The following ARHGEF6 variants were observed in gnomAD, a reference collection of about 807,000 sequenced individuals.
The protein encoded by ARHGEF6 is rho guanine nucleotide exchange factor 6.
ARHGEF6 carries 9 observed loss-of-function variants against 70.3 expected under a neutral mutation model. The ratio of observed to expected loss-of-function variants is 0.13; its 90% confidence interval spans 0.08 to 0.22. ARHGEF6 has a LOEUF of 0.22. Among genes scored for constraint, ARHGEF6 ranks in the 10% least tolerant of loss-of-function variants. ARHGEF6 has a pLI of 1.00. For missense variants in ARHGEF6, 470 were observed against 563.0 expected, an observed-to-expected ratio of 0.83 and a Z score of 1.67; for synonymous variants, 201 against 207.8, an observed-to-expected ratio of 0.97 and a Z score of 0.28.
At chrX:136,742,014 C>T (rs2148658438) in intron 5 of ARHGEF6, among the ~76,000 whole-genome samples, 1 of 111,669 alleles carries the variant, frequency 9.0e-6, no homozygotes, top group African/African-American at 3.3e-5. Flanking sequence ...GCCCTTAATC[C>T]CCATGTTGTT....
intron 21 of ARHGEF6, among the ~76,000 whole-genome samples, 183 bp downstream of exon 21, chrX:136,669,299 C>G (rs1323722169): frequency 9.0e-6 from 1 of 111,619 alleles, no homozygotes; most frequent in Non-Finnish European, 1.9e-5. Context: ...ACAAGCAAGC[C>G]TCGGAAATTT....
chrX:136,667,934 C>T lies in ARHGEF6; in HGVS notation c.*95G>A, dbSNP rs2076177566. ...GAGAGAGAGAGACTCAAACACAAAA[C>T]AAAAGCCAAAGAAGTGAGCAAACTG... On this transcript the variant is annotated 3_prime_UTR_variant, in exon 22 of 22. Coordinates refer to ENST00000250617, the MANE Select transcript of ARHGEF6 (RefSeq NM_004840.3). 9.0e-7 allele frequency: 1 copy of T among 1,106,582 alleles called. No individual in the cohort carries two copies. The highest frequency in any genetic ancestry group is 1.2e-6 in the Non-Finnish European group (1 of 805,028). 91.2% of individuals were successfully genotyped at this position (1,106,582 alleles called of 1,213,427 possible). A position where few individuals can be genotyped will look rare whatever the true frequency, so the allele number is the denominator to read the frequency against.
At chrX:136,686,592 G>GTATA (rs1426495423) in intron 11 of ARHGEF6, among the ~76,000 whole-genome samples, 814 of 59,599 alleles carry the variant, frequency 0.014, 20 homozygotes, top group African/African-American at 0.036. Flanking sequence ...GTGTATGTGT[G>GTATA]TGTATATATA....
chrX:136,773,732 T>C (rs2077380321), intron 2 of ARHGEF6, among the ~76,000 whole-genome samples: 2 of 111,967 alleles, frequency 1.8e-5, no homozygotes, highest in African/African-American at 6.5e-5. Context: ...GTCTCCATTA[T>C]ACAGATGAGG....
At chrX:136,673,415 A>T (rs2076246015) in intron 19 of ARHGEF6, among the ~76,000 whole-genome samples, 1 of 112,078 alleles carries the variant, frequency 8.9e-6, no homozygotes, top group East Asian at 2.8e-4. Flanking sequence ...GGTCACCACG[A>T]TGCTAAATGA....
chrX:136,673,061 G>GA (rs752618143), intron 19 of ARHGEF6, among the ~76,000 whole-genome samples: 42 of 111,790 alleles, frequency 3.8e-4, no homozygotes, highest in African/African-American at 9.4e-4. Flanking sequence ...AAAATGTTCA[G>GA]AAAAAACAAA....
intron 9 of ARHGEF6, among the ~76,000 whole-genome samples, chrX:136,702,840 G>C (rs974694297): frequency 1.3e-4 from 14 of 111,937 alleles, no homozygotes; most frequent in African/African-American, 4.5e-4. Flanking sequence ...TTAGTAAGCA[G>C]GCAGTTGAAC....
At chrX:136,728,722 C>G (rs887615456) in intron 6 of ARHGEF6, among the ~76,000 whole-genome samples, 10 of 109,179 alleles carry the variant, frequency 9.2e-5, no homozygotes, top group African/African-American at 3.3e-4. Flanking sequence ...GAGCATATTG[C>G]CTGCCTATTG....
At chrX:136,725,298 T>C (rs906633427) in intron 6 of ARHGEF6, among the ~76,000 whole-genome samples, 2 of 110,070 alleles carry the variant, frequency 1.8e-5, no homozygotes, top group Non-Finnish European at 3.8e-5. Context: ...GTTTTGAGAG[T>C]GGCAGAATGG....
At chrX:136,697,267 T>G (rs2076522937) in intron 9 of ARHGEF6, among the ~76,000 whole-genome samples, 2 of 111,662 alleles carry the variant, frequency 1.8e-5, no homozygotes, top group East Asian at 5.6e-4. Context: ...AAAGGAGATT[T>G]TGGTAGTAAG....
At chrX:136,767,174 G>C in intron 2 of ARHGEF6, 1 of 755,560 alleles carries the variant, frequency 1.3e-6, no homozygotes, top group Non-Finnish European at 1.6e-6. Context: ...CTGTCCTCCA[G>C]CTGCTCCCTC....
At chrX:136,758,287 G>A (rs1437124467) in intron 2 of ARHGEF6, among the ~76,000 whole-genome samples, 1 of 109,040 alleles carries the variant, frequency 9.2e-6, no homozygotes, top group Non-Finnish European at 1.9e-5. Context: ...TCCTGACCTC[G>A]TGATCCGCCC....
intron 2 of ARHGEF6, chrX:136,774,035 C>G (rs183874206): frequency 1.1e-4 from 12 of 111,606 alleles, no homozygotes; most frequent in Admixed American, 1.9e-4. Context: ...AAAATTGGAA[C>G]GATACAGAGA....
intron 11 of ARHGEF6, 98 bp downstream of exon 11, chrX:136,687,834 A>G: frequency 2.7e-6 from 2 of 734,519 alleles, no homozygotes; most frequent in Non-Finnish European, 4.3e-6. Context: ...TTTCCATTCT[A>G]AAGACCTTTG....
intron 2 of ARHGEF6, among the ~76,000 whole-genome samples, chrX:136,748,197 T>C (rs146664760): frequency 1.5e-3 from 169 of 112,046 alleles, no homozygotes; most frequent in Non-Finnish European, 2.7e-3. Flanking sequence ...CAGTTCTGTT[T>C]CTGCTGTTTG....
intron 19 of ARHGEF6, among the ~76,000 whole-genome samples, chrX:136,674,788 T>A (rs1204362282): frequency 1.8e-5 from 2 of 111,781 alleles, no homozygotes; most frequent in Non-Finnish European, 3.8e-5. Context: ...TACTCTTGCA[T>A]CTCTCTTTCT....
chrX:136,688,062 G>T, intron 10 of ARHGEF6, 71 bp from the exon 11 acceptor site: 1 of 825,449 alleles, frequency 1.2e-6, no homozygotes, highest in Non-Finnish European at 1.8e-6. Context: ...GTTAGGGGTA[G>T]AAAGAGAGTA....
At chrX:136,741,178 C>T (rs1015747972) in intron 5 of ARHGEF6, among the ~76,000 whole-genome samples, 6 of 111,598 alleles carry the variant, frequency 5.4e-5, no homozygotes, top group African/African-American at 2.0e-4. Context: ...GCTCCTAACT[C>T]TGGTTGTCGG....
chrX:136,749,681 G>A (rs1045674428), intron 2 of ARHGEF6, among the ~76,000 whole-genome samples: 2 of 111,511 alleles, frequency 1.8e-5, no homozygotes, highest in African/African-American at 6.5e-5. Context: ...CTTGAGGGAA[G>A]TTTCCTGAAC....
Sources: allele counts gnomAD v4.1 joint callset (sites outside exome capture counted in the v4.1 genomes callset), GRCh38; gene constraint gnomAD v4.1.1; transcripts MANE v1.5; gene names NCBI Gene and HGNC (gene_info 2026-07-23, HGNC 2026-07-21).